The following NEGR1 variants were observed in gnomAD, a reference collection of about 807,000 sequenced individuals.
NEGR1 encodes IgLON family member 4.
Under a neutral mutation model 40.9 loss-of-function variants are expected in NEGR1, and 10 were observed. The observed-to-expected ratio is 0.24, with a 90% CI of 0.15 to 0.42. The LOEUF (loss-of-function observed/expected upper bound fraction) is 0.42. NEGR1 is among the 10% of genes least tolerant of loss of function. The pLI is 1.00. For synonymous variants in NEGR1, 185 were observed against 166.8 expected (o/e 1.11, Z -0.84); for missense variants, 352 against 438.9 (o/e 0.80, Z 1.77).
At chr1:72,197,155 G>A (rs1235694102) in intron 1 of NEGR1, among the ~76,000 whole-genome samples, 2 of 151,862 alleles carry the variant, frequency 1.3e-5, no homozygotes, top group African/African-American at 4.8e-5. Flanking sequence ...ATGTTTTATT[G>A]TTCCTACCCC....
intron 6 of NEGR1, among the ~76,000 whole-genome samples, chr1:71,582,814 C>A (rs911902476): frequency 6.6e-6 from 1 of 152,190 alleles, no homozygotes; most frequent in African/African-American, 2.4e-5. Flanking sequence ...AAGCTGAAAG[C>A]GCACAGAATT....
In NEGR1 at chr1:71,556,646, CACACACAT is replaced by C. The variant is rs1278023957; in HGVS notation, c.940+36163_940+36170del. Among the ~76,000 whole-genome samples, 8 of 151,000 alleles carry C rather than the reference CACACACAT, an allele frequency of 5.3e-5. No individual in the cohort carries two copies. The East Asian group carries it at 7.8e-4, about 15-fold the overall frequency. ...TTTTGTAATTACACACACACACACA[CACACACAT>C]ACACACACACAAGTCCATGGAGACA... On this transcript the variant is annotated intron_variant, in intron 6 of 6. Transcript: ENST00000357731.
intron 3 of NEGR1, among the ~76,000 whole-genome samples, chr1:71,739,629 G>C (rs527736959): frequency 6.6e-6 from 1 of 151,930 alleles, no homozygotes; most frequent in East Asian, 1.9e-4. Context: ...AATTCTAGGA[G>C]TATCAAAAAT....
chr1:72,128,510 A>G (rs971230985), intron 1 of NEGR1, among the ~76,000 whole-genome samples: 6 of 152,230 alleles, frequency 3.9e-5, no homozygotes, highest in African/African-American at 1.4e-4. Flanking sequence ...GTTATGTGAA[A>G]TAAGATTTCC....
chr1:72,212,737 T>C (rs1182193777), intron 1 of NEGR1, among the ~76,000 whole-genome samples: 2 of 152,002 alleles, frequency 1.3e-5, no homozygotes, highest in Non-Finnish European at 2.9e-5. Context: ...TCTAAAATTT[T>C]TTCTGCTTAT....
intron 2 of NEGR1, among the ~76,000 whole-genome samples, chr1:71,887,223 G>T (rs984864353): frequency 6.6e-6 from 1 of 152,140 alleles, no homozygotes; most frequent in Non-Finnish European, 1.5e-5. Flanking sequence ...TCATCTTGAC[G>T]TTGAGTAGGC....
chr1:72,067,330 T>C (rs1160718340), intron 1 of NEGR1, among the ~76,000 whole-genome samples: 1 of 152,038 alleles, frequency 6.6e-6, no homozygotes, highest in East Asian at 1.9e-4. Flanking sequence ...CTCAAACTGG[T>C]TTGTAAAAAG....
intron 2 of NEGR1, among the ~76,000 whole-genome samples, chr1:71,918,254 AAAG>A (rs754824242): frequency 2.1e-4 from 28 of 132,558 alleles, no homozygotes; most frequent in South Asian, 4.9e-4. Flanking sequence ...AAAAAAAAAA[AAAG>A]AAGAAGAAGA....
At chr1:71,797,937 T>C (rs1657400335) in intron 2 of NEGR1, 1 of 151,966 alleles carries the variant, frequency 6.6e-6, no homozygotes, top group East Asian at 1.9e-4. Flanking sequence ...AGTATCTAGT[T>C]GCAGAAAGTA....
intron 1 of NEGR1, among the ~76,000 whole-genome samples, chr1:72,043,625 A>G (rs1646974915): frequency 6.6e-6 from 1 of 151,984 alleles, no homozygotes; most frequent in Non-Finnish European, 1.5e-5. Flanking sequence ...CATAATGAAA[A>G]GCTAGCATAA....
chr1:72,106,730 C>T (rs1216691259), intron 1 of NEGR1, among the ~76,000 whole-genome samples: 2 of 151,710 alleles, frequency 1.3e-5, no homozygotes, highest in African/African-American at 2.4e-5. Flanking sequence ...ATTGGCTGAC[C>T]CAGAGCAATG....
intron 2 of NEGR1, among the ~76,000 whole-genome samples, chr1:71,871,912 C>A (rs1660289954): frequency 6.6e-6 from 1 of 152,118 alleles, no homozygotes; most frequent in Non-Finnish European, 1.5e-5. Flanking sequence ...TTTATCCTTT[C>A]TAAGAAGAAT....
At chr1:71,997,677 T>C (rs1646517069) in intron 1 of NEGR1, among the ~76,000 whole-genome samples, 1 of 151,996 alleles carries the variant, frequency 6.6e-6, no homozygotes, top group Non-Finnish European at 1.5e-5. Flanking sequence ...TAAATATTTA[T>C]TGGATGTTTT....
chr1:71,554,695 T>G (rs1289488948), intron 6 of NEGR1, among the ~76,000 whole-genome samples: 1 of 151,520 alleles, frequency 6.6e-6, no homozygotes, highest in Admixed American at 6.6e-5. Context: ...AATTTGGACA[T>G]TCTAGAATAA....
chr1:71,906,892 G>C (rs1222127379), intron 2 of NEGR1, among the ~76,000 whole-genome samples: 1 of 152,122 alleles, frequency 6.6e-6, no homozygotes, highest in Non-Finnish European at 1.5e-5. Flanking sequence ...AATTAGAAAA[G>C]ATAGTCTTGA....
In NEGR1 at chr1:71,801,618, C is replaced by G. The variant is rs553661372; in HGVS notation, c.410-25321G>C. Among the ~76,000 whole-genome samples the G allele has an allele frequency of 3.9e-5, 6 of 152,300 alleles. No homozygotes were observed. The East Asian group carries it at 9.7e-4, about 25-fold the overall frequency. On this transcript the variant is annotated intron_variant, in intron 2 of 6. Coordinates refer to ENST00000357731, the MANE Select transcript of NEGR1 (RefSeq NM_173808.3). ...TCACCCTTGGTTTCCCTCTTATTCT[C>G]ACACTCCACATATATTATCAGAAAA... is the stretch of plus-strand genomic sequence containing the variant.
chr1:71,449,737 C>A (rs938253705), intron 6 of NEGR1, among the ~76,000 whole-genome samples: 5 of 151,970 alleles, frequency 3.3e-5, no homozygotes, highest in Non-Finnish European at 1.5e-5. Context: ...CATGGTGGAA[C>A]TAAGGTTTGG....
At chr1:71,697,240 C>T (rs1341864593) in intron 4 of NEGR1, among the ~76,000 whole-genome samples, 1 of 151,766 alleles carries the variant, frequency 6.6e-6, no homozygotes, top group Non-Finnish European at 1.5e-5. Flanking sequence ...TTTGTAAATA[C>T]TTTGGGTAAA....
At chr1:71,409,029 A>G (rs547541714) in intron 6 of NEGR1, 1 of 152,038 alleles carries the variant, frequency 6.6e-6, no homozygotes, top group South Asian at 2.1e-4. Context: ...GGATTTGAAC[A>G]CTGAGACTAC....
Sources: gnomAD v4.1 joint callset for allele counts (sites outside exome capture counted in the v4.1 genomes callset) on GRCh38, gnomAD v4.1.1 for gene constraint, MANE v1.5 for transcripts, NCBI Gene and HGNC (gene_info 2026-07-23, HGNC 2026-07-21) for gene names.